Variants in CCDC158 observed in about 807,000 individuals in gnomAD.
CCDC158 encodes the protein coiled-coil domain containing 158, also known as coiled-coil domain-containing protein 158.
In CCDC158, 116 loss-of-function variants were observed where a neutral mutation model predicts 138.6. The ratio of observed to expected loss-of-function variants is 0.84; its 90% CI spans 0.72 to 0.98. CCDC158 has a LOEUF of 0.98. CCDC158 is among the 50% of genes least tolerant of loss of function. The probability of loss-of-function intolerance (pLI) is 0.00; values close to 1 mark genes in which losing one functional copy is unlikely to be tolerated. For missense variants in CCDC158, 1,265 were observed against 1,306.1 expected, an observed-to-expected ratio of 0.97 and a Z score of 0.48; for synonymous variants, 436 against 442.4, an observed-to-expected ratio of 0.99 and a Z score of 0.18.
At chr4:76,335,249 A>G in intron 18 of CCDC158, among the ~76,000 whole-genome samples, 1 of 152,196 alleles carries the variant, frequency 6.6e-6, no homozygotes, top group East Asian at 1.9e-4. Context: ...AATTTTACGA[A>G]ACACTGGTTT....
intron 2 of CCDC158, among the ~76,000 whole-genome samples, chr4:76,403,704 A>C (rs756996926): frequency 1.5e-4 from 23 of 152,298 alleles, no homozygotes; most frequent in Admixed American, 7.2e-4. Context: ...GTGGAGAACA[A>C]TGGTGGTGGT....
chr4:76,379,948 C>T (rs781748839), intron 8 of CCDC158, among the ~76,000 whole-genome samples: 2 of 152,080 alleles, frequency 1.3e-5, no homozygotes, highest in Non-Finnish European at 2.9e-5. Flanking sequence ...TATGGCACTT[C>T]CCCCCTTTCC....
chr4:76,413,062 A>T (rs1729414019), intron 1 of CCDC158, among the ~76,000 whole-genome samples: 1 of 152,156 alleles, frequency 6.6e-6, no homozygotes, highest in African/African-American at 2.4e-5. Flanking sequence ...TGGTTAGAGA[A>T]GTAATTGGGT....
rs1039601853 is a variant in CCDC158, at chr4:76,385,500, G to A, written c.289-835C>T. Among the ~76,000 whole-genome samples, 42 of 151,994 alleles carry A rather than the reference G, an allele frequency of 2.8e-4. 1 individual carries two copies. The highest frequency in any genetic ancestry group is 8.8e-5 in the Non-Finnish European group (6 of 67,976). ...AAGTGATCAGGGGAGAAAGGGTCAC[G>A]AAAATTAAAAATATGGTTGTAAAGA... On this transcript the variant is annotated intron_variant, in intron 4 of 24. Coordinates refer to ENST00000682701, the MANE Select transcript of CCDC158 (RefSeq NM_001394954.1).
At chr4:76,415,960 C>T (rs1307074063) in intron 1 of CCDC158, among the ~76,000 whole-genome samples, 1 of 152,194 alleles carries the variant, frequency 6.6e-6, no homozygotes, top group African/African-American at 2.4e-5. Flanking sequence ...GACAGGCCCG[C>T]CTGCAGTTAT....
In CCDC158 at chr4:76,353,258, C is replaced by T. The variant is rs748261668; in HGVS notation, c.2310G>A (p.Glu770=). ...TCAATTCCTGACTGAGTTTACTTTT[C>T]TCTTCTTTCAGAAAATGTTTCTCCT... is the stretch of plus-strand genomic sequence containing the variant. ...ANKEKHFLKE[E]KSKLSQELST... The change falls in exon 16 of 25, where the codon GAG becomes GAA. Residue 770 remains glutamate, a synonymous_variant. Coordinates refer to ENST00000682701, the MANE Select transcript of CCDC158 (RefSeq NM_001394954.1). 1.2e-6 allele frequency: 2 copies of T among 1,608,164 alleles called. No individual in the cohort carries two copies. The highest frequency in any genetic ancestry group is 1.7e-6 in the Non-Finnish European group (2 of 1,177,936).
intron 1 of CCDC158, among the ~76,000 whole-genome samples, chr4:76,415,501 A>G (rs1452655914): frequency 6.6e-6 from 1 of 152,202 alleles, no homozygotes; most frequent in Non-Finnish European, 1.5e-5. Flanking sequence ...GACCGAGGGC[A>G]TGAGCTGTTC....
chr4:76,316,285 A>G (rs960389773), intron 24 of CCDC158, among the ~76,000 whole-genome samples: 8 of 152,224 alleles, frequency 5.3e-5, no homozygotes, highest in Non-Finnish European at 1.0e-4. Context: ...TCTGGAAATG[A>G]AAGACACACT....
In CCDC158 at chr4:76,350,983, A is replaced by C; in HGVS notation, c.2664+13T>G. ...TGTCATTTGCGTAATGGATCATAAG[A>C]CTGGTTACTTACATGAGACAGGAAG... is the stretch of plus-strand genomic sequence containing the variant. On this transcript the variant is annotated intron_variant, in intron 18 of 24. Transcript: ENST00000682701. 6.2e-7 allele frequency: 1 copy of C among 1,612,006 alleles called. No homozygotes were observed. The highest frequency in any genetic ancestry group is 1.1e-5 in the South Asian group (1 of 90,616).
chr4:76,345,297 C>G, intron 18 of CCDC158: 1 of 1,036,086 alleles, frequency 9.7e-7, no homozygotes, highest in East Asian at 2.4e-5. Context: ...TGCTAAGGAT[C>G]TCTTATACAG....
At chr4:76,315,281 G>T (rs1282917698) in intron 24 of CCDC158, among the ~76,000 whole-genome samples, 2 of 152,160 alleles carry the variant, frequency 1.3e-5, no homozygotes, top group Non-Finnish European at 2.9e-5. Context: ...GAGAGTCTGA[G>T]CTCAGACCCA....
At chr4:76,370,455 G>T (rs1263448476) in intron 10 of CCDC158, among the ~76,000 whole-genome samples, 3 of 152,076 alleles carry the variant, frequency 2.0e-5, no homozygotes, top group Non-Finnish European at 2.9e-5. Context: ...GAAAGGGAGG[G>T]TGTCTGACTT....
intron 11 of CCDC158, among the ~76,000 whole-genome samples, chr4:76,368,516 A>G (rs1264299008): frequency 1.3e-5 from 2 of 152,216 alleles, no homozygotes; most frequent in Non-Finnish European, 2.9e-5. Flanking sequence ...ACATTCTGAG[A>G]AGCTTACACT....
chr4:76,324,422 G>C (rs1578864171), intron 23 of CCDC158, among the ~76,000 whole-genome samples: 1 of 152,004 alleles, frequency 6.6e-6, no homozygotes, highest in Admixed American at 6.6e-5. Context: ...CCTGACCTCA[G>C]GTGATCCACC....
chr4:76,384,168 G>T lies in CCDC158; in HGVS notation c.646C>A (p.Arg216Ser). Residue 216 changes from arginine to serine, a missense_variant, in exon 6 of 25, where the codon CGC (arginine) becomes AGC (serine). Transcript: ENST00000682701. The part of the protein sequence containing the change: ...EHDSMSTLHF[R>S]SLGSAISKIL... ...TTACTAATAGCTGAGCCCAAGCTGC[G>T]GAAGTGCAGAGTAGACATGCTGTCA... 1 of 1,614,068 alleles carries T rather than the reference G, an allele frequency of 6.2e-7. No homozygotes were observed. Among genetic ancestry groups the T allele is most frequent in the Non-Finnish European group, 8.5e-7 (1 of 1,179,972 alleles).
At chr4:76,328,491 C>T (rs1720724546) in intron 22 of CCDC158, among the ~76,000 whole-genome samples, 1 of 152,122 alleles carries the variant, frequency 6.6e-6, no homozygotes, top group African/African-American at 2.4e-5. Context: ...GCCATGTTGC[C>T]CAGACTGGTC....
At position 76,369,579 on chromosome 4, in the gene CCDC158, C is replaced by T. The variant is rs1356027471; in HGVS notation, c.1194G>A (p.Glu398=). Residue 398 remains glutamate, a synonymous_variant, in exon 11 of 25, where the codon GAG becomes GAA. Transcript: ENST00000682701. ...KREKELSLEK[E]QNKRLWDRDT... is the part of the protein sequence containing the mutation. Reference sequence around the variant, plus strand: ...CTCGGTCCCACAGACGCTTATTCTGCTCCTTCTCCAGACTCAGCTCCTTCT... The same window carrying T: ...CTCGGTCCCACAGACGCTTATTCTGTTCCTTCTCCAGACTCAGCTCCTTCT... The T allele has an allele frequency of 6.2e-7, 1 of 1,614,064 alleles. No individual in the cohort carries two copies. The highest frequency in any genetic ancestry group is 8.5e-7 in the Non-Finnish European group (1 of 1,180,030).
Position 76,367,655 on chromosome 4 carries a change from G to A in CCDC158, c.1469C>T (p.Thr490Ile), listed in dbSNP as rs1228625923. The A allele has an allele frequency of 1.9e-6, 3 of 1,614,106 alleles. No individual in the cohort carries two copies. Among genetic ancestry groups the A allele is most frequent in the African/African-American group, 2.7e-5 (2 of 74,932 alleles). Reference sequence around the variant, plus strand: ...TATTGTCCTCTCTGAGCTCTCCAGAGTCATTTTCTTGGCTGTCAACTCTTC... The same window carrying A: ...TATTGTCCTCTCTGAGCTCTCCAGAATCATTTTCTTGGCTGTCAACTCTTC... The part of the protein sequence containing the change: ...VVEELTAKKM[T>I]LESSERTISD... Residue 490 changes from threonine (T) to isoleucine (I), a missense_variant, in exon 12 of 25, where the codon ACT becomes ATT. Coordinates refer to ENST00000682701, the MANE Select transcript of CCDC158 (RefSeq NM_001394954.1).
Position 76,379,362 on chromosome 4 carries a change from G to A in CCDC158, c.957C>T (p.Leu319=). 1.2e-6 allele frequency: 2 copies of A among 1,610,084 alleles called. No individual in the cohort carries two copies. Among genetic ancestry groups the A allele is most frequent in the East Asian group, 2.2e-5 (1 of 44,652 alleles). ...GAGAAACAGTAGATTCCAGATCGCT[G>A]AGCTGACGCATATACATAGAGTTTT... The part of the protein sequence containing the change: ...RNQNSMYMRQ[L]SDLESTVSQL... Residue 319 remains leucine, a synonymous_variant, in exon 9 of 25, where the codon CTC becomes CTT. Transcript: ENST00000682701.
Sources: gnomAD v4.1 joint callset for allele counts (sites outside exome capture counted in the v4.1 genomes callset) on GRCh38, gnomAD v4.1.1 for gene constraint, MANE v1.5 for transcripts, NCBI Gene and HGNC (gene_info 2026-07-23, HGNC 2026-07-21) for gene names.